The following CALD1 variants were observed in gnomAD, a reference collection of about 807,000 sequenced individuals.
CALD1 encodes caldesmon.
CALD1 carries 33 observed loss-of-function variants against 99.9 expected under a neutral mutation model. The ratio of observed to expected loss-of-function variants is 0.33; its 90% CI spans 0.25 to 0.44. CALD1 has a LOEUF of 0.44. CALD1 is among the 20% of genes least tolerant of loss of function. The pLI, the probability that CALD1 is intolerant of heterozygous loss-of-function variation, is 1.00. For synonymous variants in CALD1, 310 were observed against 325.0 expected, an observed-to-expected ratio of 0.95 and a Z score of 0.50; for missense variants, 861 against 962.1, an observed-to-expected ratio of 0.89 and a Z score of 1.39.
chr7:134,824,478 T>C (rs529244941), intron 1 of CALD1, among the ~76,000 whole-genome samples: 4 of 152,154 alleles, frequency 2.6e-5, no homozygotes, highest in Non-Finnish European at 5.9e-5. Context: ...TTCTCCTTCT[T>C]CTTCTTCTTC....
chr7:134,860,469 T>A (rs1243502497), intron 2 of CALD1, among the ~76,000 whole-genome samples: 1 of 152,210 alleles, frequency 6.6e-6, no homozygotes, highest in Non-Finnish European at 1.5e-5. Flanking sequence ...GGTCTTTGAT[T>A]CACTTTGTAA....
chr7:134,831,884 A>G (rs1432747801), intron 1 of CALD1, among the ~76,000 whole-genome samples: 1 of 152,206 alleles, frequency 6.6e-6, no homozygotes, highest in Non-Finnish European at 1.5e-5. Context: ...GTTTCAGAGC[A>G]AGAGTGGAAG....
At chr7:134,945,772 A>G (rs1276001428) in intron 7 of CALD1, among the ~76,000 whole-genome samples, 1 of 152,232 alleles carries the variant, frequency 6.6e-6, no homozygotes. Context: ...GAGCATAGAA[A>G]ATTCACAAAT....
chr7:134,823,255 T>C (rs548935313), intron 1 of CALD1, among the ~76,000 whole-genome samples: 3 of 152,162 alleles, frequency 2.0e-5, no homozygotes, highest in Non-Finnish European at 4.4e-5. Context: ...ATTTACATGG[T>C]TCATTTTGAC....
Position 134,876,200 on chromosome 7 carries a change from C to T in CALD1, c.71+8396C>T, listed in dbSNP as rs538482690. ...ATCATGAACCTCCGTCCGCAGACCTCCTGGGGGCCGATGCCTTCTGGCCAA... is the reference window on the plus strand; with the variant it reads ...ATCATGAACCTCCGTCCGCAGACCTTCTGGGGGCCGATGCCTTCTGGCCAA... On this transcript the variant is annotated intron_variant, in intron 3 of 14. Coordinates refer to ENST00000361675, the MANE Select transcript of CALD1 (RefSeq NM_033138.4). Among the ~76,000 whole-genome samples the T allele has an allele frequency of 2.0e-5, 3 of 152,156 alleles. 1 individual carries two copies. The highest frequency in any genetic ancestry group is 4.4e-5 in the Non-Finnish European group (3 of 68,032).
At chr7:134,743,110 C>T (rs1294147104), upstream of CALD1, among the ~76,000 whole-genome samples, 2 of 152,182 alleles carry the variant, frequency 1.3e-5, no homozygotes, top group African/African-American at 4.8e-5. Flanking sequence ...CAGCACTTCT[C>T]AGAAGAGAGC....
Position 134,933,113 on chromosome 7 carries a change from T to A in CALD1, c.344T>A (p.Leu115Gln). 1 of 1,614,014 alleles carries A rather than the reference T, an allele frequency of 6.2e-7. No individual in the cohort carries two copies. The highest frequency in any genetic ancestry group is 1.1e-5 in the South Asian group (1 of 91,064). Residue 115 changes from leucine (L) to glutamine (Q), a missense_variant, in exon 5 of 15, where the codon CTG (leucine) becomes CAG (glutamine). Around this residue, in one of 5 missense-constraint regions of CALD1, gnomAD observed 123 missense variants for 169.8 expected, o/e 0.72. Transcript: ENST00000361675. ...CGCCAAAAACGCCTTCAGGAGGCTCTGGAGCGGCAGAAGGAGTTCGACCCA... is the reference window on the plus strand; with the variant it reads ...CGCCAAAAACGCCTTCAGGAGGCTCAGGAGCGGCAGAAGGAGTTCGACCCA... Reference protein sequence around the residue: ...ERRQKRLQEALERQKEFDPTI... With the variant: ...ERRQKRLQEAQERQKEFDPTI...
chr7:134,719,110 A>G, the CALD1 span, among the ~76,000 whole-genome samples: 1 of 152,200 alleles, frequency 6.6e-6, no homozygotes, highest in Non-Finnish European at 1.5e-5. Context: ...GTCTGAAGCT[A>G]GTCCAATGTT....
the CALD1 span, among the ~76,000 whole-genome samples, chr7:134,711,716 GTGTGTGTGTGTCTC>G: frequency 5.9e-3 from 667 of 112,862 alleles, 8 homozygotes; most frequent in African/African-American, 0.019. Flanking sequence ...GTGTGTGTGT[GTGTGTGTGTGTCTC>G]TCTCTCTGTC....
intron 2 of CALD1, among the ~76,000 whole-genome samples, chr7:134,860,597 G>C (rs1226199943): frequency 6.6e-6 from 1 of 152,202 alleles, no homozygotes; most frequent in Non-Finnish European, 1.5e-5. Context: ...CAATTTCTGA[G>C]TGCCTACTCT....
At chr7:134,947,860 AT>A (rs1376856210) in intron 8 of CALD1, 91 bp downstream of exon 8, 7 of 1,458,040 alleles carry the variant, frequency 4.8e-6, no homozygotes, top group Non-Finnish European at 6.5e-6. Flanking sequence ...TCTCAAAAAT[AT>A]TTTTTTAAGA....
At chr7:134,759,138 A>G (rs900704713) in intron 1 of CALD1, among the ~76,000 whole-genome samples, 2 of 152,234 alleles carry the variant, frequency 1.3e-5, no homozygotes, top group African/African-American at 4.8e-5. Flanking sequence ...ACTCAGAACA[A>G]GTTAAACCTA....
At chr7:134,856,215 C>A (rs1489595767) in intron 2 of CALD1, among the ~76,000 whole-genome samples, 1 of 152,202 alleles carries the variant, frequency 6.6e-6, no homozygotes, top group Admixed American at 6.5e-5. Flanking sequence ...AGGAAACAGG[C>A]AGGCAGAGTG....
the CALD1 span, among the ~76,000 whole-genome samples, chr7:134,715,917 T>C: frequency 0.021 from 3,217 of 152,284 alleles, 120 homozygotes; most frequent in African/African-American, 0.069. Flanking sequence ...ATTTGCAAAA[T>C]AGTTTTACGA....
chr7:134,903,233 A>G (rs34749226), intron 3 of CALD1, among the ~76,000 whole-genome samples: 1 of 152,068 alleles, frequency 6.6e-6, no homozygotes, highest in Non-Finnish European at 1.5e-5. Flanking sequence ...ATGACACTAC[A>G]TTTGTCCAAG....
intron 9 of CALD1, among the ~76,000 whole-genome samples, chr7:134,954,653 GGTTAGAAAGATGATCCCTGA>G (rs1807628780): frequency 1.3e-5 from 2 of 152,160 alleles, no homozygotes; most frequent in Non-Finnish European, 2.9e-5. Flanking sequence ...CCATGGCCAA[GGTTAGAAAGATGATCCCTGA>G]GTCATAAAGA....
intron 6 of CALD1, among the ~76,000 whole-genome samples, chr7:134,939,544 T>C (rs1404651984): frequency 6.6e-6 from 1 of 152,180 alleles, no homozygotes; most frequent in African/African-American, 2.4e-5. Context: ...AAGATTGAAG[T>C]CTTAACTAAT....
At chr7:134,920,313 G>A (rs1261919975) in intron 3 of CALD1, among the ~76,000 whole-genome samples, 2 of 125,736 alleles carry the variant, frequency 1.6e-5, no homozygotes, top group East Asian at 1.0e-3. Context: ...ATGAAAGTAT[G>A]TGTGAGTCAT....
intron 2 of CALD1, among the ~76,000 whole-genome samples, chr7:134,845,513 G>A (rs778170842): frequency 6.6e-6 from 1 of 152,216 alleles, no homozygotes; most frequent in Non-Finnish European, 1.5e-5. Flanking sequence ...ATAGTAAATA[G>A]CACAAGCATG....
Sources: gnomAD v4.1 joint callset for allele counts (sites outside exome capture counted in the v4.1 genomes callset) on GRCh38, gnomAD v4.1.1 for gene constraint, gnomAD v4.1.1 regional missense constraint, MANE v1.5 for transcripts, NCBI Gene and HGNC (gene_info 2026-07-23, HGNC 2026-07-21) for gene names.